TNFRSF10D: variants seen among roughly 807,000 people sequenced by gnomAD.
TNFRSF10D encodes TNF receptor superfamily member 10d, also known as tumor necrosis factor receptor superfamily member 10D.
Under a neutral mutation model 42.1 loss-of-function variants are expected in TNFRSF10D, and 28 were observed. The ratio of observed to expected loss-of-function variants is 0.66; its 90% CI spans 0.49 to 0.91. The LOEUF (loss-of-function observed/expected upper bound fraction) is 0.91. TNFRSF10D is among the 40% of genes least tolerant of loss of function. The pLI, the probability that TNFRSF10D is intolerant of heterozygous loss-of-function variation, is 0.00. For synonymous variants in TNFRSF10D, 186 were observed against 189.4 expected, an observed-to-expected ratio of 0.98 and a Z score of 0.15; for missense variants, 503 against 486.1, an observed-to-expected ratio of 1.03 and a Z score of -0.33.
intron 7 of TNFRSF10D, among the ~76,000 whole-genome samples, chr8:23,139,973 G>A (rs956481293): frequency 1.2e-4 from 18 of 151,906 alleles, no homozygotes; most frequent in African/African-American, 2.2e-4. Context: ...GTGAAACCCC[G>A]TCTCTACTAA....
intron 1 of TNFRSF10D, among the ~76,000 whole-genome samples, chr8:23,155,989 G>C (rs114176738): frequency 2.6e-5 from 4 of 152,090 alleles, no homozygotes; most frequent in African/African-American, 9.7e-5. Context: ...ATATCAAAGA[G>C]TGACAGAAAA....
Position 23,136,091 on chromosome 8 carries a change from C to T in TNFRSF10D, c.*1779G>A, listed in dbSNP as rs1055386728. ...AACTTTGTCCCAGCCAAACCAGTCC[C>T]GGAACAAAACACACAATGCCTTGAG... On this transcript the variant is annotated 3_prime_UTR_variant, in exon 9 of 9. Transcript: ENST00000312584. The T allele has an allele frequency of 2.6e-5, 9 of 352,278 alleles. No homozygotes were observed. Among genetic ancestry groups the T allele is most frequent in the Middle Eastern group, 9.5e-4 (1 of 1,048 alleles). The allele number at this position is 352,278 out of a possible 1,614,324, so 21.8% of individuals were successfully genotyped here. A position where few individuals can be genotyped will look rare whatever the true frequency, so the allele number is the denominator to read the frequency against.
chr8:23,153,054 C>T (rs1488998338), intron 2 of TNFRSF10D, among the ~76,000 whole-genome samples: 1 of 152,014 alleles, frequency 6.6e-6, no homozygotes, highest in Non-Finnish European at 1.5e-5. Context: ...AAATAGTGAA[C>T]CCAGATATAA....
At chr8:23,143,405 G>C (rs762159049) in intron 7 of TNFRSF10D, among the ~76,000 whole-genome samples, 1 of 152,132 alleles carries the variant, frequency 6.6e-6, no homozygotes, top group Non-Finnish European at 1.5e-5. Flanking sequence ...AAGGTGAGAG[G>C]ATGACTTGAG....
At chr8:23,152,527 T>C (rs565342635) in intron 2 of TNFRSF10D, among the ~76,000 whole-genome samples, 2 of 152,276 alleles carry the variant, frequency 1.3e-5, no homozygotes, top group South Asian at 4.1e-4. Context: ...GATGAACAAA[T>C]GTGCTAGATC....
chr8:23,157,459 T>G (rs1327155702), intron 1 of TNFRSF10D, among the ~76,000 whole-genome samples: 651 of 151,666 alleles, frequency 4.3e-3, no homozygotes, highest in African/African-American at 0.014. Flanking sequence ...GTGTTTTATA[T>G]CCCAGAACCC....
At chr8:23,152,047 CAGT>C (rs1563360210) in intron 2 of TNFRSF10D, among the ~76,000 whole-genome samples, 641 of 151,652 alleles carry the variant, frequency 4.2e-3, no homozygotes, top group African/African-American at 0.013. Context: ...CTTTTACTAG[CAGT>C]AGACCTGGTG....
At position 23,136,120 on chromosome 8, in the gene TNFRSF10D, GA is replaced by G; in HGVS notation, c.*1749del. The G allele has an allele frequency of 3.1e-6, 1 of 325,714 alleles. No homozygotes were observed. The allele number at this position is 325,714 out of a possible 1,614,324, so 20.2% of individuals were successfully genotyped here. Reference sequence around the variant, plus strand: ...ACAAAACACACAATGCCTTGAGATGGAAAAGACTGAAACCCCTAGAATGACT... The same window carrying G: ...ACAAAACACACAATGCCTTGAGATGGAAAGACTGAAACCCCTAGAATGACT... On this transcript the variant is annotated 3_prime_UTR_variant, in exon 9 of 9. Transcript: ENST00000312584.
chr8:23,141,765 G>A (rs1264874919), intron 7 of TNFRSF10D, among the ~76,000 whole-genome samples: 2 of 152,092 alleles, frequency 1.3e-5, no homozygotes, highest in Non-Finnish European at 2.9e-5. Context: ...AAACTACAGT[G>A]GGATACCATC....
At chr8:23,150,842 T>A (rs1185779912) in intron 2 of TNFRSF10D, among the ~76,000 whole-genome samples, 1 of 151,688 alleles carries the variant, frequency 6.6e-6, no homozygotes, top group Non-Finnish European at 1.5e-5. Flanking sequence ...ACAGATCATT[T>A]GAAATTACCA....
chr8:23,139,365 G>T (rs10112528), intron 7 of TNFRSF10D, among the ~76,000 whole-genome samples: 2 of 152,062 alleles, frequency 1.3e-5, no homozygotes, highest in African/African-American at 4.8e-5. Context: ...ATTTTAAAGC[G>T]AATTGATAAA....
chr8:23,146,904 G>C (rs1800128359), intron 4 of TNFRSF10D, 57 bp downstream of exon 4: 5 of 1,390,506 alleles, frequency 3.6e-6, no homozygotes, highest in African/African-American at 1.4e-5. Context: ...GGTACCAGGT[G>C]AATCAGGTCT....
intron 3 of TNFRSF10D, 66 bp downstream of exon 3, chr8:23,148,372 C>T (rs566378499): frequency 2.1e-5 from 27 of 1,288,780 alleles, no homozygotes; most frequent in East Asian, 9.7e-5. Context: ...CGACTCACAT[C>T]GGCTACAGCT....
At position 23,137,845 on chromosome 8, in the gene TNFRSF10D, G is replaced by T. The variant is rs753125786; in HGVS notation, c.*25C>A. The T allele has an allele frequency of 1.2e-6, 2 of 1,603,040 alleles. No homozygotes were observed. The highest frequency in any genetic ancestry group is 2.2e-5 in the South Asian group (2 of 89,496). On this transcript the variant is annotated 3_prime_UTR_variant, in exon 9 of 9. Coordinates refer to ENST00000312584, the MANE Select transcript of TNFRSF10D (RefSeq NM_003840.5). ...GTAGGAGAAAAGGTAAATGAGGGAA[G>T]CTCTGGTTTCCTGAAGAGATTCTTT...
chr8:23,146,627 GTTTTCTTCTGATT>G (rs912502353), intron 4 of TNFRSF10D, among the ~76,000 whole-genome samples: 3 of 152,180 alleles, frequency 2.0e-5, no homozygotes, highest in African/African-American at 7.2e-5. Context: ...GGATTCAAGT[GTTTTCTTCTGATT>G]TCAAAAGGAA....
chr8:23,160,764 C>T (rs985195728), intron 1 of TNFRSF10D, among the ~76,000 whole-genome samples: 1 of 152,222 alleles, frequency 6.6e-6, no homozygotes, highest in Non-Finnish European at 1.5e-5. Context: ...GGACCGTGGC[C>T]TCTCAGTAGG....
intron 1 of TNFRSF10D, among the ~76,000 whole-genome samples, chr8:23,157,927 A>G (rs11782934): frequency 0.18 from 27,063 of 152,102 alleles, 2,991 homozygotes; most frequent in East Asian, 0.58. Flanking sequence ...GGTTACAGCC[A>G]ATGCCAGAAA....
intron 8 of TNFRSF10D, 69 bp from the exon 9 acceptor site, chr8:23,138,072 C>A: frequency 6.2e-7 from 1 of 1,608,174 alleles, no homozygotes; most frequent in Non-Finnish European, 8.5e-7. Context: ...GACATGGGGC[C>A]CCCTGCTTCC....
At chr8:23,152,009 T>C (rs926726160) in intron 2 of TNFRSF10D, among the ~76,000 whole-genome samples, 1 of 152,248 alleles carries the variant, frequency 6.6e-6, no homozygotes, top group East Asian at 1.9e-4. Context: ...GTGTTCATCT[T>C]GTACATGTCC....
Sources: allele counts gnomAD v4.1 joint callset (sites outside exome capture counted in the v4.1 genomes callset), GRCh38; gene constraint gnomAD v4.1.1; transcripts MANE v1.5; gene names NCBI Gene and HGNC (gene_info 2026-07-23, HGNC 2026-07-21).